Variants in UGT2A1 observed in about 807,000 individuals in gnomAD.
UGT2A1 encodes the protein UDP-glucuronosyltransferase 2A1.
UGT2A1 carries 61 observed loss-of-function variants against 45.4 expected under a neutral mutation model. That is an observed-to-expected ratio of 1.34 (90% CI 1.09 to 1.66). The LOEUF (loss-of-function observed/expected upper bound fraction) is 1.66, where lower values mean the gene tolerates loss of function less well. UGT2A1 is among the 40% of genes most tolerant of loss of function. The pLI is 0.00. For synonymous variants in UGT2A1, 229 were observed against 196.2 expected (o/e 1.17, Z -1.40); for missense variants, 649 against 574.3 (o/e 1.13, Z -1.33).
intron 3 of UGT2A1, among the ~76,000 whole-genome samples, chr4:69,620,428 T>G (rs1720681917): frequency 7.5e-6 from 1 of 133,648 alleles, no homozygotes; most frequent in South Asian, 2.4e-4. Context: ...ACCAGGGAGG[T>G]GAAAGATCTC....
intron 3 of UGT2A1, among the ~76,000 whole-genome samples, chr4:69,599,937 G>A (rs534807348): frequency 8.5e-5 from 13 of 152,244 alleles, no homozygotes; most frequent in Admixed American, 2.6e-4. Context: ...TCTTCCCCAG[G>A]ACAGCAAATC....
intron 2 of UGT2A1, among the ~76,000 whole-genome samples, chr4:69,636,669 G>A (rs1032364491): frequency 1.3e-5 from 2 of 151,754 alleles, no homozygotes; most frequent in African/African-American, 4.8e-5. Context: ...AGATTTTTTT[G>A]GCTACTTTCC....
intron 3 of UGT2A1, among the ~76,000 whole-genome samples, chr4:69,616,068 G>T (rs1341526409): frequency 6.6e-6 from 1 of 151,974 alleles, no homozygotes; most frequent in Non-Finnish European, 1.5e-5. Context: ...CAATAACTTG[G>T]ATGAATCTAG....
At chr4:69,597,723 C>G (rs1719017107) in intron 4 of UGT2A1, among the ~76,000 whole-genome samples, 1 of 151,902 alleles carries the variant, frequency 6.6e-6, no homozygotes, top group Non-Finnish European at 1.5e-5. Flanking sequence ...ATAACACACA[C>G]ACACACACAC....
intron 3 of UGT2A1, among the ~76,000 whole-genome samples, chr4:69,628,758 T>C (rs925667156): frequency 6.8e-6 from 1 of 147,728 alleles, no homozygotes; most frequent in African/African-American, 2.5e-5. Context: ...TAATACTAAA[T>C]GTAAAGTTTC....
At chr4:69,595,863 T>C (rs1718891827) in intron 4 of UGT2A1, among the ~76,000 whole-genome samples, 1 of 152,206 alleles carries the variant, frequency 6.6e-6, no homozygotes, top group South Asian at 2.1e-4. Flanking sequence ...ATTTTTAGCA[T>C]AATTTCTCCC....
intron 3 of UGT2A1, among the ~76,000 whole-genome samples, chr4:69,624,744 C>G (rs1022488609): frequency 2.6e-4 from 39 of 151,388 alleles, no homozygotes; most frequent in Non-Finnish European, 5.5e-4. Context: ...TGTTGCCATA[C>G]AGTTTACTTC....
At chr4:69,618,241 G>A (rs962839330) in intron 3 of UGT2A1, among the ~76,000 whole-genome samples, 2 of 144,448 alleles carry the variant, frequency 1.4e-5, no homozygotes, top group Non-Finnish European at 3.1e-5. Context: ...GTGTGTGTAT[G>A]TGTGTGTTGA....
chr4:69,614,804 A>G (rs1463067530), intron 3 of UGT2A1, among the ~76,000 whole-genome samples: 3 of 152,030 alleles, frequency 2.0e-5, no homozygotes, highest in Non-Finnish European at 4.4e-5. Flanking sequence ...CTGTTCTCAC[A>G]TTACTATAAA....
chr4:69,589,294 T>C lies in UGT2A1; in HGVS notation c.*78A>G. ...GAGACGTGTTTTTGTTAAACTCCTTTTGTCTGGAATTAATAGGACTACACT... is the reference window on the plus strand; with the variant it reads ...GAGACGTGTTTTTGTTAAACTCCTTCTGTCTGGAATTAATAGGACTACACT... On this transcript the variant is annotated 3_prime_UTR_variant, in exon 7 of 7. Transcript: ENST00000286604. 1 of 1,417,982 alleles carries C rather than the reference T, an allele frequency of 7.1e-7. No individual in the cohort carries two copies. The highest frequency in any genetic ancestry group is 9.3e-7 in the Non-Finnish European group (1 of 1,078,940). 87.8% of individuals were successfully genotyped at this position (1,417,982 alleles called of 1,614,324 possible). A position where few individuals can be genotyped will look rare whatever the true frequency, so the allele number is the denominator to read the frequency against.
intron 3 of UGT2A1, among the ~76,000 whole-genome samples, chr4:69,615,078 C>A (rs769096287): frequency 6.6e-6 from 1 of 151,990 alleles, no homozygotes; most frequent in South Asian, 2.1e-4. Flanking sequence ...ATGATCCAAT[C>A]ACCTTTCAAC....
chr4:69,617,585 A>G (rs1720477845), intron 3 of UGT2A1, among the ~76,000 whole-genome samples: 1 of 151,834 alleles, frequency 6.6e-6, no homozygotes, highest in African/African-American at 2.4e-5. Context: ...GACTGTTTCA[A>G]ATTAGGGCTA....
chr4:69,637,784 T>G (rs1469792952), intron 2 of UGT2A1, among the ~76,000 whole-genome samples: 1 of 152,168 alleles, frequency 6.6e-6, no homozygotes, highest in African/African-American at 2.4e-5. Flanking sequence ...TGCTTATTGT[T>G]GTATTCCTAC....
intron 6 of UGT2A1, 84 bp from the exon 7 acceptor site, chr4:69,589,735 T>A: frequency 6.6e-7 from 1 of 1,515,680 alleles, no homozygotes; most frequent in Middle Eastern, 1.8e-4. Flanking sequence ...ACTTTTGCTC[T>A]ACAAGTTTAA....
chr4:69,597,570 A>G (rs890537468), intron 4 of UGT2A1, among the ~76,000 whole-genome samples: 1 of 152,172 alleles, frequency 6.6e-6, no homozygotes, highest in African/African-American at 2.4e-5. Context: ...TGACTAGCCA[A>G]ATAACTAGGG....
At chr4:69,605,886 C>G (rs1029880654) in intron 3 of UGT2A1, among the ~76,000 whole-genome samples, 1 of 136,710 alleles carries the variant, frequency 7.3e-6, no homozygotes, top group Non-Finnish European at 1.6e-5. Flanking sequence ...GACATTGAAT[C>G]TCTGAATAGA....
intron 4 of UGT2A1, chr4:69,596,266 G>A (rs1718923236): frequency 1.9e-6 from 3 of 1,591,050 alleles, no homozygotes; most frequent in Non-Finnish European, 2.6e-6. Flanking sequence ...TGGAATCTGG[G>A]CAAGGGCTGA....
At chr4:69,616,835 T>TTTTC (rs1720429287) in intron 3 of UGT2A1, among the ~76,000 whole-genome samples, 1 of 67,032 alleles carries the variant, frequency 1.5e-5, no homozygotes. Flanking sequence ...TTTCTTTTCT[T>TTTTC]TTTTTTTTTT....
At chr4:69,630,056 G>A (rs1024344290) in intron 3 of UGT2A1, among the ~76,000 whole-genome samples, 1 of 151,694 alleles carries the variant, frequency 6.6e-6, no homozygotes, top group Non-Finnish European at 1.5e-5. Flanking sequence ...ATATTTAAAC[G>A]TGACTTTAAA....
Sources: allele counts gnomAD v4.1 joint callset (sites outside exome capture counted in the v4.1 genomes callset), GRCh38; gene constraint gnomAD v4.1.1; transcripts MANE v1.5; gene names NCBI Gene and HGNC (gene_info 2026-07-23, HGNC 2026-07-21).